CCDC178: variants seen among roughly 807,000 people sequenced by gnomAD.
CCDC178 encodes the protein coiled-coil domain-containing protein 178.
Under a neutral mutation model 117.4 loss-of-function variants are expected in CCDC178, and 126 were observed. That is an observed-to-expected ratio of 1.07 (90% confidence interval 0.93 to 1.24). The LOEUF is 1.24. Ranked by LOEUF, CCDC178 falls within the 50% of genes most tolerant of loss-of-function variation. CCDC178 has a pLI of 0.00. For missense variants in CCDC178, 1,030 were observed against 986.9 expected, an observed-to-expected ratio of 1.04 and a Z score of -0.59; for synonymous variants, 283 against 313.4, an observed-to-expected ratio of 0.90 and a Z score of 1.02.
chr18:33,299,502 A>AACACACAC lies in CCDC178; in HGVS notation c.1023-6198_1023-6191dup, dbSNP rs71159812. Among the ~76,000 whole-genome samples, 1,432 of 146,154 alleles carry AACACACAC rather than the reference A, an allele frequency of 9.8e-3. 11 individuals are homozygous for AACACACAC. Among genetic ancestry groups the AACACACAC allele is most frequent in the East Asian group, 0.015 (73 of 4,958 alleles). ...GAACCAAAACTTTAAAACTAGTATA[A>AACACACAC]ACACACACACACACACACACACACA... On this transcript the variant is annotated intron_variant, in intron 11 of 22. Transcript: ENST00000383096.
At chr18:33,355,591 A>G (rs1279165872) in intron 7 of CCDC178, among the ~76,000 whole-genome samples, 1 of 152,202 alleles carries the variant, frequency 6.6e-6, no homozygotes, top group East Asian at 1.9e-4. Flanking sequence ...TCTGTGTTCT[A>G]TCAAATCTCC....
At chr18:33,374,819 A>G (rs1453810978) in intron 5 of CCDC178, among the ~76,000 whole-genome samples, 2 of 152,236 alleles carry the variant, frequency 1.3e-5, no homozygotes, top group Admixed American at 1.3e-4. Flanking sequence ...TATATGAAAC[A>G]GCATGGATGA....
intron 21 of CCDC178, among the ~76,000 whole-genome samples, chr18:33,062,729 A>C (rs1230392079): frequency 6.6e-6 from 1 of 152,160 alleles, no homozygotes; most frequent in Non-Finnish European, 1.5e-5. Flanking sequence ...ACATTCCCCA[A>C]GGTCCAAGAA....
At chr18:33,289,353 G>T (rs2060138983) in intron 12 of CCDC178, among the ~76,000 whole-genome samples, 1 of 152,190 alleles carries the variant, frequency 6.6e-6, no homozygotes, top group Non-Finnish European at 1.5e-5. Context: ...GGTGGCTCAT[G>T]CGTGTAATCC....
At chr18:33,109,772 GATTA>G (rs35238278) in intron 20 of CCDC178, among the ~76,000 whole-genome samples, 24,117 of 151,106 alleles carry the variant, frequency 0.16, 2,673 homozygotes, top group African/African-American at 0.32. Flanking sequence ...AATTTTGTCA[GATTA>G]ATTCATACTT....
At chr18:33,285,992 G>A (rs374835458) in intron 12 of CCDC178, among the ~76,000 whole-genome samples, 1 of 37,158 alleles carries the variant, frequency 2.7e-5, no homozygotes, top group Non-Finnish European at 6.2e-5. Context: ...TTTTTTTTTT[G>A]AGATGGAGTC....
chr18:33,067,284 G>A (rs1271758667), intron 21 of CCDC178, among the ~76,000 whole-genome samples: 2 of 152,060 alleles, frequency 1.3e-5, no homozygotes, highest in Non-Finnish European at 2.9e-5. Flanking sequence ...TAAGACAGAT[G>A]TCAAAAAATC....
chr18:33,101,451 G>C (rs1305951637), intron 20 of CCDC178, among the ~76,000 whole-genome samples: 2 of 151,776 alleles, frequency 1.3e-5, no homozygotes, highest in Admixed American at 6.6e-5. Flanking sequence ...GGCGGAAAAG[G>C]CTGATCAGTC....
chr18:32,972,887 C>T (rs1016409217), intron 22 of CCDC178, among the ~76,000 whole-genome samples: 4 of 151,802 alleles, frequency 2.6e-5, no homozygotes, highest in African/African-American at 9.7e-5. Context: ...TATTAAAAGC[C>T]AAAATTGAAA....
chr18:33,348,638 G>C (rs562515875), intron 8 of CCDC178, among the ~76,000 whole-genome samples: 7 of 151,916 alleles, frequency 4.6e-5, no homozygotes, highest in African/African-American at 1.7e-4. Context: ...ACTACAAATA[G>C]CTTCTTGAGA....
intron 20 of CCDC178, among the ~76,000 whole-genome samples, chr18:33,094,415 T>G (rs1404563773): frequency 6.6e-6 from 1 of 152,000 alleles, no homozygotes; most frequent in Non-Finnish European, 1.5e-5. Context: ...CTGAAGTGAT[T>G]AACTTGTAAC....
chr18:33,263,880 A>G (rs2059781700), intron 14 of CCDC178, among the ~76,000 whole-genome samples: 1 of 152,056 alleles, frequency 6.6e-6, no homozygotes, highest in Admixed American at 6.6e-5. Context: ...TTCTACAAAT[A>G]GTGTTCAGAA....
At chr18:33,204,116 ATAGTGGTATCAAATTT>A (rs1214116066) in intron 20 of CCDC178, among the ~76,000 whole-genome samples, 1 of 152,212 alleles carries the variant, frequency 6.6e-6, no homozygotes, top group African/African-American at 2.4e-5. Flanking sequence ...TAGTCCAGGA[ATAGTGGTATCAAATTT>A]TAAAAGTCAA....
chr18:33,116,262 T>C (rs2057854655), intron 20 of CCDC178, among the ~76,000 whole-genome samples: 1 of 152,122 alleles, frequency 6.6e-6, no homozygotes, highest in South Asian at 2.1e-4. Context: ...TCCCACTTAA[T>C]GCTTTTAAGA....
intron 19 of CCDC178, 42 bp downstream of exon 19, chr18:33,215,507 AT>A (rs1568062054): frequency 3.8e-6 from 4 of 1,043,888 alleles, no homozygotes; most frequent in East Asian, 3.2e-5. Flanking sequence ...ATTTATTAAT[AT>A]TTTTTAAAAA....
chr18:33,338,842 C>T (rs1050509199), intron 9 of CCDC178, among the ~76,000 whole-genome samples: 2 of 151,898 alleles, frequency 1.3e-5, no homozygotes, highest in African/African-American at 4.8e-5. Flanking sequence ...CACTAAAGAA[C>T]TTATTCATGT....
rs1210213118 is a variant in CCDC178 at position 33,414,354 on chromosome 18, C to T, written c.-22-2244G>A. ...AAAAAACTATCTTGAATGAAGCATG[C>T]AGTTACATAAGAACAGAACAGAGCC... On this transcript the variant is annotated intron_variant, in intron 2 of 22. Coordinates refer to ENST00000383096, the MANE Select transcript of CCDC178 (RefSeq NM_001105528.4). Among the ~76,000 whole-genome samples the T allele has an allele frequency of 2.6e-5, 4 of 151,960 alleles. No homozygotes were observed. The East Asian group carries it at 7.7e-4, about 29-fold the overall frequency.
chr18:33,371,933 T>C (rs997174437), intron 5 of CCDC178, among the ~76,000 whole-genome samples: 1 of 152,042 alleles, frequency 6.6e-6, no homozygotes, highest in Admixed American at 6.6e-5. Flanking sequence ...AAGAAGGTTT[T>C]GATACACATT....
intron 12 of CCDC178, among the ~76,000 whole-genome samples, chr18:33,279,382 G>A (rs2059993239): frequency 6.6e-6 from 1 of 152,018 alleles, no homozygotes; most frequent in African/African-American, 2.4e-5. Context: ...AAAATACCTA[G>A]GAATCCAACT....
Sources: allele counts gnomAD v4.1 joint callset (sites outside exome capture counted in the v4.1 genomes callset), GRCh38; gene constraint gnomAD v4.1.1; transcripts MANE v1.5; gene names NCBI Gene and HGNC (gene_info 2026-07-23, HGNC 2026-07-21).